Variants in AKAP13 observed in about 807,000 individuals in gnomAD.
AKAP13 encodes A-kinase anchoring protein 13.
Under a neutral mutation model 264.5 loss-of-function variants are expected in AKAP13, and 80 were observed. That is an observed-to-expected ratio of 0.30 (90% CI 0.25 to 0.36). The LOEUF is 0.36. Among genes scored for constraint, AKAP13 ranks in the 10% least tolerant of loss-of-function variants. AKAP13 has a pLI of 1.00. For synonymous variants in AKAP13, 1,380 were observed against 1,250.2 expected (o/e 1.10, Z -2.19); for missense variants, 3,712 against 3,435.2 (o/e 1.08, Z -2.01).
At chr15:85,679,604 G>A (rs1456977050) in intron 14 of AKAP13, among the ~76,000 whole-genome samples, 4 of 152,166 alleles carry the variant, frequency 2.6e-5, no homozygotes, top group Non-Finnish European at 5.9e-5. Flanking sequence ...ACCACAATAT[G>A]TGCAGCACTG....
At chr15:85,508,143 T>C (rs913513743) in intron 2 of AKAP13, among the ~76,000 whole-genome samples, 15 of 129,852 alleles carry the variant, frequency 1.2e-4, no homozygotes, top group Non-Finnish European at 1.8e-4. Flanking sequence ...CTTTGTGTAA[T>C]TTTTTTTTTT....
chr15:85,717,996 GAT>G lies in AKAP13; in HGVS notation c.5849-6_5849-5del. 1 of 1,606,784 alleles carries G rather than the reference GAT, an allele frequency of 6.2e-7. No individual in the cohort carries two copies. Among genetic ancestry groups the G allele is most frequent in the Non-Finnish European group, 8.5e-7 (1 of 1,175,774 alleles). On this transcript the variant is annotated splice_polypyrimidine_tract_variant and intron_variant, in intron 21 of 36. Coordinates refer to ENST00000394518, the MANE Select transcript of AKAP13 (RefSeq NM_007200.5). ...AACCTGATTCTGATATTGATTTTTT[GAT>G]ATATTGAGGAGTAGGTACAGACATG...
At chr15:85,717,144 G>C (rs905014000) in intron 20 of AKAP13, 146 bp from the exon 21 acceptor site, 5 of 554,972 alleles carry the variant, frequency 9.0e-6, no homozygotes, top group African/African-American at 5.9e-5. Flanking sequence ...GCATGTTGCT[G>C]TGGCCCCGAC....
chr15:85,459,144 A>G (rs2074405624), intron 1 of AKAP13, among the ~76,000 whole-genome samples: 1 of 152,178 alleles, frequency 6.6e-6, no homozygotes. Context: ...ACACCTCAAA[A>G]GTAACACTAG....
chr15:85,660,377 A>T (rs77424701), intron 12 of AKAP13, among the ~76,000 whole-genome samples: 2 of 134,402 alleles, frequency 1.5e-5, no homozygotes, highest in South Asian at 2.2e-4. Flanking sequence ...AAAAAAAAAA[A>T]AAGCTTTTAT....
chr15:85,573,576 T>TAAATAAATAAATAA (rs879294735), intron 5 of AKAP13, among the ~76,000 whole-genome samples: 157 of 88,812 alleles, frequency 1.8e-3, no homozygotes, highest in African/African-American at 7.3e-3. Flanking sequence ...TAAATAAATA[T>TAAATAAATAAATAA]GATATGATAT....
chr15:85,446,717 T>C (rs939912032), intron 1 of AKAP13, among the ~76,000 whole-genome samples: 15 of 150,226 alleles, frequency 1.0e-4, no homozygotes, highest in African/African-American at 2.9e-4. Flanking sequence ...TTTCTTTTTT[T>C]TTTTTTTTTT....
rs190474547 is a variant in AKAP13, at chr15:85,693,244, A to G, written c.5290-33A>G. On this transcript the variant is annotated intron_variant, in intron 16 of 36. Coordinates refer to ENST00000394518, the MANE Select transcript of AKAP13 (RefSeq NM_007200.5). The stretch of plus-strand genomic sequence containing the variant: ...TAAGGAGAAAGCCCTCCAGTGTTCA[A>G]TTAACTGTGGATTATTTTCTTTTCT... 800 of 1,567,634 alleles carry G rather than the reference A, an allele frequency of 5.1e-4. 4 individuals are homozygous for G. The African/African-American group carries it at 0.01, about 20-fold the overall frequency.
At chr15:85,598,229 C>T (rs1277269554) in intron 8 of AKAP13, among the ~76,000 whole-genome samples, 1 of 152,160 alleles carries the variant, frequency 6.6e-6, no homozygotes, top group East Asian at 1.9e-4. Flanking sequence ...AGGGGTACCA[C>T]CTCAGCCACC....
chr15:85,563,291 G>A lies in AKAP13; in HGVS notation c.663-11840G>A, dbSNP rs185440795. On this transcript the variant is annotated intron_variant, in intron 5 of 36. Coordinates refer to ENST00000394518, the MANE Select transcript of AKAP13 (RefSeq NM_007200.5). Reference sequence around the variant, plus strand: ...TGGGCATGCCATTTTCCAGCCTGTCGGAATCAATATTGTCCTTCATTTGAG... The same window carrying A: ...TGGGCATGCCATTTTCCAGCCTGTCAGAATCAATATTGTCCTTCATTTGAG... Among the ~76,000 whole-genome samples the A allele has an allele frequency of 4.7e-5, 7 of 148,202 alleles. No homozygotes were observed. The East Asian group carries it at 9.8e-4, about 21-fold the overall frequency.
intron 5 of AKAP13, among the ~76,000 whole-genome samples, chr15:85,571,779 G>A (rs2078826864): frequency 6.6e-6 from 1 of 152,200 alleles, no homozygotes; most frequent in South Asian, 2.1e-4. Context: ...ATGGATGATG[G>A]GACTTACCCA....
intron 2 of AKAP13, among the ~76,000 whole-genome samples, chr15:85,509,156 A>C (rs2076336356): frequency 6.6e-6 from 1 of 152,148 alleles, no homozygotes; most frequent in Non-Finnish European, 1.5e-5. Context: ...GTAATGAATG[A>C]ATTCATTTTG....
intron 17 of AKAP13, among the ~76,000 whole-genome samples, chr15:85,698,482 A>AG (rs1555460755): frequency 6.7e-6 from 1 of 149,528 alleles, no homozygotes; most frequent in African/African-American, 2.5e-5. Context: ...AAAAAAAAAA[A>AG]GGAGAGAGAG....
chr15:85,503,638 G>C (rs1311764187), intron 2 of AKAP13, among the ~76,000 whole-genome samples: 1 of 152,186 alleles, frequency 6.6e-6, no homozygotes, highest in Admixed American at 6.5e-5. Context: ...GAATCAGAGG[G>C]CACCTTGATC....
intron 30 of AKAP13, among the ~76,000 whole-genome samples, chr15:85,733,020 G>A (rs2088169625): frequency 6.6e-6 from 1 of 152,066 alleles, no homozygotes; most frequent in African/African-American, 2.4e-5. Flanking sequence ...TGCTCTCCTT[G>A]TAAGCCTTGA....
At chr15:85,567,948 G>T (rs1057118303) in intron 5 of AKAP13, among the ~76,000 whole-genome samples, 9 of 103,280 alleles carry the variant, frequency 8.7e-5, no homozygotes, top group Admixed American at 4.0e-4. Flanking sequence ...AGAGGTGTGT[G>T]TGTGTGTGTG....
At chr15:85,494,831 A>T (rs1380728709) in intron 2 of AKAP13, among the ~76,000 whole-genome samples, 1 of 152,166 alleles carries the variant, frequency 6.6e-6, no homozygotes, top group Non-Finnish European at 1.5e-5. Flanking sequence ...CAGAGAAGTT[A>T]TAGTATAAGA....
intron 17 of AKAP13, among the ~76,000 whole-genome samples, chr15:85,700,845 T>G (rs2085870179): frequency 1.3e-5 from 2 of 152,186 alleles, no homozygotes; most frequent in South Asian, 4.1e-4. Context: ...ATATTGGTTA[T>G]TTATCTACAT....
intron 1 of AKAP13, among the ~76,000 whole-genome samples, chr15:85,439,493 T>C (rs1410413420): frequency 6.6e-6 from 1 of 151,662 alleles, no homozygotes; most frequent in African/African-American, 2.4e-5. Flanking sequence ...TGACTATAAA[T>C]CATGCTGCTG....
Sources: gnomAD v4.1 joint callset for allele counts (sites outside exome capture counted in the v4.1 genomes callset) on GRCh38, gnomAD v4.1.1 for gene constraint, MANE v1.5 for transcripts, NCBI Gene and HGNC (gene_info 2026-07-23, HGNC 2026-07-21) for gene names.